The following TEAD1 variants were observed in gnomAD, a reference collection of about 807,000 sequenced individuals.
The protein encoded by TEAD1 is transcriptional enhancer factor TEF-1.
A neutral mutation model predicts 54.9 loss-of-function variants in TEAD1; 9 were observed. The ratio of observed to expected loss-of-function variants is 0.16; its 90% CI spans 0.10 to 0.29. The LOEUF (loss-of-function observed/expected upper bound fraction) is 0.29, where lower values mean the gene tolerates loss of function less well. Among genes scored for constraint, TEAD1 ranks in the 10% least tolerant of loss-of-function variants. The pLI, the probability that TEAD1 is intolerant of heterozygous loss-of-function variation, is 1.00. For synonymous variants in TEAD1, 200 were observed against 187.8 expected, an observed-to-expected ratio of 1.07 and a Z score of -0.53; for missense variants, 387 against 535.9, an observed-to-expected ratio of 0.72 and a Z score of 2.74.
intron 3 of TEAD1, among the ~76,000 whole-genome samples, chr11:12,854,789 G>A (rs1279359494): frequency 6.7e-6 from 1 of 149,360 alleles, no homozygotes; most frequent in Non-Finnish European, 1.5e-5. Flanking sequence ...TAAGAGATAG[G>A]GTCTCACTCT....
At position 12,716,902 on chromosome 11, in the gene TEAD1, C is replaced by T. The variant is rs534760667; in HGVS notation, c.-55+41341C>T. Among the ~76,000 whole-genome samples the T allele has an allele frequency of 1.6e-4, 24 of 152,332 alleles. 1 individual carries two copies. The highest frequency in any genetic ancestry group is 1.0e-3 in the South Asian group (5 of 4,824). On this transcript the variant is annotated intron_variant, in intron 2 of 12. Coordinates refer to ENST00000527636, the MANE Select transcript of TEAD1 (RefSeq NM_021961.6). ...GATCAGAAGCCTGGCTCTGCGTTCC[C>T]GACATAGGCGCTGAATGGCTTCCCG...
At chr11:12,728,548 G>A (rs1466358217) in intron 2 of TEAD1, among the ~76,000 whole-genome samples, 3 of 152,120 alleles carry the variant, frequency 2.0e-5, no homozygotes, top group African/African-American at 7.2e-5. Flanking sequence ...GCATAGAGTT[G>A]GCAGGCAGAC....
At chr11:12,787,117 T>C (rs1024421360) in intron 3 of TEAD1, among the ~76,000 whole-genome samples, 6 of 152,212 alleles carry the variant, frequency 3.9e-5, no homozygotes, top group Middle Eastern at 3.4e-3. Flanking sequence ...TTTGAAAGGA[T>C]CACCGGCTGC....
At position 12,707,815 on chromosome 11, in the gene TEAD1, A is replaced by G. The variant is rs543130546; in HGVS notation, c.-55+32254A>G. Among the ~76,000 whole-genome samples the G allele has an allele frequency of 2.0e-5, 3 of 152,360 alleles. No homozygotes were observed. In the East Asian group the frequency reaches 5.8e-4, roughly 29 times the overall value. On this transcript the variant is annotated intron_variant, in intron 2 of 12. Transcript: ENST00000527636. ...TTTACAAAGCATCATACTTGTGTCT[A>G]GTCAACTCTGTTTAAGGAAACAGGA...
chr11:12,772,668 A>G (rs1945336436), intron 3 of TEAD1, among the ~76,000 whole-genome samples: 1 of 152,206 alleles, frequency 6.6e-6, no homozygotes, highest in South Asian at 2.1e-4. Context: ...GTAAGAAATA[A>G]TACCCAAAGG....
chr11:12,723,005 T>G (rs1211394838), intron 2 of TEAD1, among the ~76,000 whole-genome samples: 1 of 152,186 alleles, frequency 6.6e-6, no homozygotes, highest in Non-Finnish European at 1.5e-5. Context: ...TGTGCTATTA[T>G]AAGTAATACT....
At chr11:12,694,354 G>C (rs182768336) in intron 2 of TEAD1, among the ~76,000 whole-genome samples, 1 of 152,012 alleles carries the variant, frequency 6.6e-6, no homozygotes. Flanking sequence ...CCAAGCTCTG[G>C]CCTGTCTCTT....
intron 4 of TEAD1, among the ~76,000 whole-genome samples, chr11:12,862,595 CA>C (rs1160506287): frequency 6.6e-6 from 1 of 152,190 alleles, no homozygotes; most frequent in African/African-American, 2.4e-5. Flanking sequence ...TCAAAGCTGA[CA>C]TTTCTTTCCC....
chr11:12,691,619 G>T (rs1458306867), intron 2 of TEAD1, among the ~76,000 whole-genome samples: 1 of 152,140 alleles, frequency 6.6e-6, no homozygotes, highest in Non-Finnish European at 1.5e-5. Context: ...TTAAGAAAAA[G>T]ACCAAACTGA....
chr11:12,689,204 C>T (rs1177247524), intron 2 of TEAD1, among the ~76,000 whole-genome samples: 2 of 152,166 alleles, frequency 1.3e-5, no homozygotes, highest in Non-Finnish European at 2.9e-5. Context: ...AGACTCTACC[C>T]TGCAGTTCAC....
intron 2 of TEAD1, among the ~76,000 whole-genome samples, chr11:12,686,974 G>A (rs1943347914): frequency 1.3e-5 from 2 of 152,162 alleles, no homozygotes; most frequent in South Asian, 4.1e-4. Flanking sequence ...CTCTGGTGGA[G>A]AACTGTTACC....
rs532638155 is a variant in TEAD1 at position 12,742,150 on chromosome 11, C to T, written c.-54-22029C>T. 1.8e-4 allele frequency among the ~76,000 whole-genome samples: 28 copies of T among 152,294 alleles called. No individual in the cohort carries two copies. The South Asian group carries it at 3.9e-3, about 21-fold the overall frequency. Reference sequence around the variant, plus strand: ...TCTTGTAGCTATTCTTTGATTACCTCTAGTGATGGGAGGCTTACTGTCTCA... The same window carrying T: ...TCTTGTAGCTATTCTTTGATTACCTTTAGTGATGGGAGGCTTACTGTCTCA... On this transcript the variant is annotated intron_variant, in intron 2 of 12. Transcript: ENST00000527636.
At chr11:12,901,675 CTGT>C (rs896273251) in intron 9 of TEAD1, among the ~76,000 whole-genome samples, 19 of 152,136 alleles carry the variant, frequency 1.2e-4, no homozygotes, top group Non-Finnish European at 2.4e-4. Flanking sequence ...GTAACTTAAG[CTGT>C]TGTTATTAAT....
chr11:12,900,503 A>C (rs76830348), intron 9 of TEAD1, among the ~76,000 whole-genome samples: 3 of 152,182 alleles, frequency 2.0e-5, no homozygotes, highest in African/African-American at 7.2e-5. Flanking sequence ...GTCTTATTTA[A>C]ACCCTGTAAC....
intron 3 of TEAD1, among the ~76,000 whole-genome samples, chr11:12,778,943 T>G (rs1253276540): frequency 6.6e-6 from 1 of 152,194 alleles, no homozygotes; most frequent in Non-Finnish European, 1.5e-5. Context: ...CACTTTTCCA[T>G]CATAACCATA....
chr11:12,783,095 G>GTGTGTGTGT (rs1554933010), intron 3 of TEAD1, among the ~76,000 whole-genome samples: 1 of 121,702 alleles, frequency 8.2e-6, no homozygotes, highest in African/African-American at 3.4e-5. Flanking sequence ...ACCAGGTAAG[G>GTGTGTGTGT]GTTTGTGTGT....
chr11:12,783,247 T>C (rs1945601655), intron 3 of TEAD1, among the ~76,000 whole-genome samples: 1 of 147,536 alleles, frequency 6.8e-6, no homozygotes, highest in Admixed American at 6.8e-5. Flanking sequence ...CTTCCCACAG[T>C]CAGCCCATGG....
At chr11:12,873,552 T>C (rs1947797057) in intron 5 of TEAD1, among the ~76,000 whole-genome samples, 1 of 152,242 alleles carries the variant, frequency 6.6e-6, no homozygotes, top group Non-Finnish European at 1.5e-5. Context: ...CATTTGGAAA[T>C]ACAATAAAAT....
chr11:12,775,969 C>G (rs369764655), intron 3 of TEAD1, among the ~76,000 whole-genome samples: 8,256 of 142,650 alleles, frequency 0.058, 769 homozygotes, highest in African/African-American at 0.24. Flanking sequence ...TGTTTACTGG[C>G]GGCGGGGGGT....
Sources: gnomAD v4.1 joint callset for allele counts (sites outside exome capture counted in the v4.1 genomes callset) on GRCh38, gnomAD v4.1.1 for gene constraint, MANE v1.5 for transcripts, NCBI Gene and HGNC (gene_info 2026-07-23, HGNC 2026-07-21) for gene names.